Variants in GET4 observed in about 807,000 individuals in gnomAD.
The protein encoded by GET4 is Golgi to ER traffic protein 4 homolog.
In GET4, 20 loss-of-function variants were observed where a neutral mutation model predicts 40.0. That is an observed-to-expected ratio of 0.50 (90% CI 0.35 to 0.73). GET4 has a LOEUF of 0.73. Ranked by LOEUF, GET4 falls within the 30% of genes least tolerant of loss-of-function variation. The pLI, the probability that GET4 is intolerant of heterozygous loss-of-function variation, is 0.01. For synonymous variants in GET4, 280 were observed against 194.6 expected (o/e 1.44, Z -3.65); for missense variants, 557 against 454.0 (o/e 1.23, Z -2.06).
rs568424524 is a variant in GET4 at position 894,401 on chromosome 7, C to T, written c.895+430C>T. 4.7e-4 allele frequency among the ~76,000 whole-genome samples: 71 copies of T among 152,282 alleles called. 2 individuals are homozygous for T. The highest frequency in any genetic ancestry group is 9.9e-4 in the African/African-American group (41 of 41,556). ...CACTGTGGGTGGTGGTTCGTGGCAC[C>T]GCGGGAGAGGCCCCTCACTGAGCCG... On this transcript the variant is annotated intron_variant, in intron 8 of 8. Transcript: ENST00000265857.
intron 7 of GET4, 35 bp downstream of exon 7, chr7:893,850 C>G (rs552786006): frequency 1.2e-6 from 2 of 1,607,746 alleles, no homozygotes; most frequent in Non-Finnish European, 1.7e-6. Context: ...AGGAGGGGAC[C>G]CCACGGTCTG....
At chr7:894,506 C>T (rs1318047041) in intron 8 of GET4, among the ~76,000 whole-genome samples, 1 of 152,178 alleles carries the variant, frequency 6.6e-6, no homozygotes, top group South Asian at 2.1e-4. Context: ...AGATGTCTGC[C>T]CTGGTGCAGC....
rs1177490999 is a variant in GET4, at chr7:876,556, A to G, written c.-90A>G. 4 of 1,089,178 alleles carry G rather than the reference A, an allele frequency of 3.7e-6. No homozygotes were observed. In the Admixed American group the frequency reaches 2.0e-4, roughly 54 times the overall value. 67.5% of individuals were successfully genotyped at this position (1,089,178 alleles called of 1,614,324 possible). ...CGCGACTCCTCGCGGGCCACCGTAG[A>G]AGGGCGTCGGGCGGCCGTCGGGACG... On this transcript the variant is annotated 5_prime_UTR_variant, in exon 1 of 9. Coordinates refer to ENST00000265857, the MANE Select transcript of GET4 (RefSeq NM_015949.3).
At chr7:889,160 G>C (rs571632069) in intron 4 of GET4, among the ~76,000 whole-genome samples, 1 of 152,378 alleles carries the variant, frequency 6.6e-6, no homozygotes, top group East Asian at 1.9e-4. Flanking sequence ...GGCTGCGCTC[G>C]GCGCATCTGC....
At chr7:894,061 C>G (rs1489439718) in intron 8 of GET4, 90 bp downstream of exon 8, 2 of 705,438 alleles carry the variant, frequency 2.8e-6, no homozygotes, top group Non-Finnish European at 4.6e-6. Context: ...TGCGGTCCTT[C>G]ACGTGGAAGT....
intron 8 of GET4, among the ~76,000 whole-genome samples, chr7:894,661 T>G (rs936912366): frequency 1.1e-4 from 16 of 152,208 alleles, no homozygotes; most frequent in African/African-American, 3.6e-4. Flanking sequence ...AACCGCAGCC[T>G]GAGCTCCCGT....
rs1039848500 is a variant in GET4 at position 895,538 on chromosome 7, C to T, written c.*116C>T. Reference sequence around the variant, plus strand: ...TCCTGGCCCTGAGGCTGGCGGTGGCCGCATGCCGGCGCGTGTCTGTTTCTG... The same window carrying T: ...TCCTGGCCCTGAGGCTGGCGGTGGCTGCATGCCGGCGCGTGTCTGTTTCTG... On this transcript the variant is annotated 3_prime_UTR_variant, in exon 9 of 9. Transcript: ENST00000265857. 9.3e-5 allele frequency: 51 copies of T among 546,278 alleles called. 1 individual carries two copies. The highest frequency in any genetic ancestry group is 3.7e-4 in the African/African-American group (19 of 51,408). 33.8% of individuals were successfully genotyped at this position (546,278 alleles called of 1,614,324 possible).
intron 3 of GET4, 107 bp downstream of exon 3, chr7:886,757 C>A: frequency 3.9e-6 from 3 of 772,370 alleles, no homozygotes; most frequent in South Asian, 3.0e-5. Flanking sequence ...GTCTTGTGTG[C>A]TGTGGGGTGA....
At position 890,402 on chromosome 7, in the gene GET4, G is replaced by T; in HGVS notation, c.467-526G>T. Among the ~76,000 whole-genome samples the T allele has an allele frequency of 2.3e-5, 2 of 87,788 alleles. 1 individual carries two copies. Among genetic ancestry groups the T allele is most frequent in the Non-Finnish European group, 4.8e-5 (2 of 41,468 alleles). 57.6% of individuals were successfully genotyped at this position (87,788 alleles called of 152,430 possible). A position where few individuals can be genotyped will look rare whatever the true frequency, so the allele number is the denominator to read the frequency against. On this transcript the variant is annotated intron_variant, in intron 4 of 8. Coordinates refer to ENST00000265857, the MANE Select transcript of GET4 (RefSeq NM_015949.3). ...GGGTCTGGGAGTGGAGGGAGTGTGAGCGGGTGTTAGGACGGGCCTGGGAGT... is the reference window on the plus strand; with the variant it reads ...GGGTCTGGGAGTGGAGGGAGTGTGATCGGGTGTTAGGACGGGCCTGGGAGT...
intron 1 of GET4, chr7:880,921 GT>G (rs1844072026): frequency 1.3e-5 from 2 of 152,270 alleles, no homozygotes. Context: ...CTGGAGAGCA[GT>G]GGCGCGATCT....
rs1258156350 is a variant in GET4, at chr7:891,199, G to A, written c.605+133G>A. Reference sequence around the variant, plus strand: ...GAGTTCACTCTGGGCAGAGCCCACAGTGCACTTGTCAGCCTGACCCATGAT... The same window carrying A: ...GAGTTCACTCTGGGCAGAGCCCACAATGCACTTGTCAGCCTGACCCATGAT... On this transcript the variant is annotated intron_variant, in intron 5 of 8. Coordinates refer to ENST00000265857, the MANE Select transcript of GET4 (RefSeq NM_015949.3). 6.2e-6 allele frequency: 4 copies of A among 649,812 alleles called. No individual in the cohort carries two copies. In the South Asian group the frequency reaches 6.2e-5, roughly 10 times the overall value. The allele number at this position is 649,812 out of a possible 1,614,324, so 40.3% of individuals were successfully genotyped here.
At chr7:887,016 G>C (rs1304539728) in intron 3 of GET4, 8 of 526,480 alleles carry the variant, frequency 1.5e-5, no homozygotes, top group Non-Finnish European at 2.5e-5. Context: ...TCTGTGAGCT[G>C]CCTGGCTGCA....
Position 895,219 on chromosome 7 carries a change from T to G in GET4, c.896-115T>G, listed in dbSNP as rs1349998443. On this transcript the variant is annotated intron_variant, in intron 8 of 8. Coordinates refer to ENST00000265857, the MANE Select transcript of GET4 (RefSeq NM_015949.3). ...GTCGTAGACAGTAGCGATGTGAGGC[T>G]TTTGCTTGTTCCATGGGACACTGGG... 1.5e-5 allele frequency: 9 copies of G among 600,698 alleles called. No individual in the cohort carries two copies. In the East Asian group the frequency reaches 2.6e-4, roughly 17 times the overall value. The allele number at this position is 600,698 out of a possible 1,614,324, so 37.2% of individuals were successfully genotyped here. A position where few individuals can be genotyped will look rare whatever the true frequency, so the allele number is the denominator to read the frequency against.
chr7:890,983 C>T lies in GET4; in HGVS notation c.522C>T (p.Gly174=), dbSNP rs780120751. The stretch of plus-strand genomic sequence containing the variant: ...TTCTGCACTCAGCGGACGGGGAGGG[C>T]TGTGCCAACATGCTGGTGGAGTATT... ...YHFLHSADGE[G]CANMLVEYST... is the part of the protein sequence containing the mutation. Residue 174 remains glycine (G), a synonymous_variant, in exon 5 of 9, where the codon GGC becomes GGT. Coordinates refer to ENST00000265857, the MANE Select transcript of GET4 (RefSeq NM_015949.3). 3 of 1,609,666 alleles carry T rather than the reference C, an allele frequency of 1.9e-6. No individual in the cohort carries two copies. The highest frequency in any genetic ancestry group is 2.6e-6 in the Non-Finnish European group (3 of 1,176,124).
At chr7:892,966 G>A (rs1337328512) in intron 6 of GET4, among the ~76,000 whole-genome samples, 3 of 151,812 alleles carry the variant, frequency 2.0e-5, no homozygotes, top group Admixed American at 6.6e-5. Flanking sequence ...GTGTGCAGGT[G>A]TTGGGTGTTT....
At chr7:885,171 C>G (rs1325192470) in intron 1 of GET4, 5 of 152,246 alleles carry the variant, frequency 3.3e-5, no homozygotes, top group Non-Finnish European at 7.3e-5. Context: ...AGGCACAGAG[C>G]TGATTAACTC....
At chr7:884,024 C>A (rs1014702656) in intron 1 of GET4, 3 of 1,150,880 alleles carry the variant, frequency 2.6e-6, no homozygotes, top group Non-Finnish European at 3.3e-6. Flanking sequence ...CCGTGACCAT[C>A]GGCAGTGCCC....
intron 3 of GET4, 139 bp from the exon 4 acceptor site, chr7:887,231 C>A: frequency 2.3e-6 from 2 of 876,630 alleles, no homozygotes; most frequent in Non-Finnish European, 3.9e-6. Context: ...TGTGGTGGTC[C>A]ACGGCTCACT....
At chr7:887,062 C>G (rs765237244) in intron 3 of GET4, 2 of 595,476 alleles carry the variant, frequency 3.4e-6, no homozygotes, top group Non-Finnish European at 6.4e-6. Context: ...CTGGGAGATG[C>G]CCCGGGCCAG....
Sources: allele counts gnomAD v4.1 joint callset (sites outside exome capture counted in the v4.1 genomes callset), GRCh38; gene constraint gnomAD v4.1.1; transcripts MANE v1.5; gene names NCBI Gene and HGNC (gene_info 2026-07-23, HGNC 2026-07-21).